The following MIPOL1 variants were observed in gnomAD, a reference collection of about 807,000 sequenced individuals.
MIPOL1 encodes mirror-image polydactyly 1, also known as mirror-image polydactyly gene 1 protein.
MIPOL1 carries 57 observed loss-of-function variants against 60.9 expected under a neutral mutation model. The observed-to-expected ratio is 0.94, with a 90% CI of 0.76 to 1.17. The LOEUF is 1.17. Ranked by LOEUF, MIPOL1 falls within the 50% of genes most tolerant of loss-of-function variation. The pLI is 0.00. For missense variants in MIPOL1, 551 were observed against 511.6 expected (o/e 1.08, Z -0.74); for synonymous variants, 179 against 168.8 (o/e 1.06, Z -0.47).
intron 10 of MIPOL1, among the ~76,000 whole-genome samples, chr14:37,415,861 T>A (rs113597877): frequency 5.3e-4 from 81 of 152,242 alleles, no homozygotes; most frequent in Non-Finnish European, 1.1e-3. Flanking sequence ...AATATGAATA[T>A]AGAATGCACT....
At chr14:37,376,785 A>G (rs773829986) in intron 10 of MIPOL1, among the ~76,000 whole-genome samples, 6 of 152,142 alleles carry the variant, frequency 3.9e-5, no homozygotes, top group Non-Finnish European at 8.8e-5. Context: ...TTTTCAGCTC[A>G]TTTGAGTATG....
At chr14:37,514,596 T>G (rs923007773) in intron 12 of MIPOL1, among the ~76,000 whole-genome samples, 1 of 152,078 alleles carries the variant, frequency 6.6e-6, no homozygotes, top group African/African-American at 2.4e-5. Context: ...ATATAATGTA[T>G]CTACTGGTTA....
intron 10 of MIPOL1, among the ~76,000 whole-genome samples, chr14:37,419,728 TG>T (rs2093837625): frequency 6.6e-6 from 1 of 151,598 alleles, no homozygotes. Context: ...ATACGTGGAA[TG>T]GGGTAGGGGA....
At chr14:37,519,609 C>G (rs1462418544) in intron 12 of MIPOL1, among the ~76,000 whole-genome samples, 2 of 151,874 alleles carry the variant, frequency 1.3e-5, no homozygotes, top group African/African-American at 4.8e-5. Context: ...GCCTCATTCA[C>G]CTCACTCTAG....
chr14:37,396,480 C>A (rs930138365), intron 10 of MIPOL1, among the ~76,000 whole-genome samples: 1 of 151,970 alleles, frequency 6.6e-6, no homozygotes, highest in Admixed American at 6.6e-5. Flanking sequence ...GATGAATTTC[C>A]CAGATGTTCC....
chr14:37,276,352 A>G (rs561354770), intron 6 of MIPOL1: 17 of 151,176 alleles, frequency 1.1e-4, no homozygotes, highest in African/African-American at 3.9e-4. Context: ...TTTAATTGTG[A>G]TTGTTCAAAG....
intron 11 of MIPOL1, chr14:37,434,693 A>C (rs894562736): frequency 6.6e-6 from 1 of 152,098 alleles, no homozygotes; most frequent in African/African-American, 2.4e-5. Flanking sequence ...GGTGTGAGCC[A>C]CCGTACTTAG....
At chr14:37,320,977 C>G (rs1361714647) in intron 9 of MIPOL1, among the ~76,000 whole-genome samples, 1 of 151,958 alleles carries the variant, frequency 6.6e-6, no homozygotes, top group Non-Finnish European at 1.5e-5. Flanking sequence ...CAATAATACT[C>G]CATGGTCTTA....
intron 12 of MIPOL1, among the ~76,000 whole-genome samples, chr14:37,526,838 A>T (rs2095450794): frequency 6.6e-6 from 1 of 152,140 alleles, no homozygotes; most frequent in African/African-American, 2.4e-5. Flanking sequence ...TAATTTTGAC[A>T]AAAATTGTCA....
chr14:37,382,569 G>A (rs1478235037), intron 10 of MIPOL1, among the ~76,000 whole-genome samples: 1 of 151,688 alleles, frequency 6.6e-6, no homozygotes, highest in African/African-American at 2.4e-5. Context: ...TTAGACATAC[G>A]GTTTTTACCA....
chr14:37,324,266 A>G (rs1289916344), intron 9 of MIPOL1, among the ~76,000 whole-genome samples: 1 of 152,030 alleles, frequency 6.6e-6, no homozygotes, highest in Non-Finnish European at 1.5e-5. Flanking sequence ...TTTAGTAGGC[A>G]TGTATTGGTA....
chr14:37,234,564 G>A (rs1350561187), intron 1 of MIPOL1, among the ~76,000 whole-genome samples: 1 of 151,778 alleles, frequency 6.6e-6, no homozygotes, highest in Non-Finnish European at 1.5e-5. Context: ...TTAACTCCTG[G>A]CCTCAAGTAA....
rs138707837 is a variant in MIPOL1 at position 37,269,012 on chromosome 14, A to T, written c.387+219A>T. 9.2e-5 allele frequency among the ~76,000 whole-genome samples: 14 copies of T among 152,226 alleles called. No individual in the cohort carries two copies. In the East Asian group the frequency reaches 2.7e-3, roughly 29 times the overall value. On this transcript the variant is annotated intron_variant, in intron 5 of 12. Coordinates refer to ENST00000684589, the MANE Select transcript of MIPOL1 (RefSeq NM_001388067.1). ...TCATACCTTGCTGGTCCACATTAGC[A>T]CTTCCTTTTTCATAAGCCCCTGGTT...
intron 11 of MIPOL1, among the ~76,000 whole-genome samples, chr14:37,445,196 TCTC>T (rs1439120387): frequency 7.9e-5 from 12 of 151,856 alleles, no homozygotes; most frequent in Admixed American, 6.6e-4. Context: ...CAGCCCAAAA[TCTC>T]CTTAAGCTGA....
intron 11 of MIPOL1, among the ~76,000 whole-genome samples, chr14:37,445,676 T>A (rs2094322557): frequency 6.6e-6 from 1 of 151,872 alleles, no homozygotes; most frequent in Non-Finnish European, 1.5e-5. Flanking sequence ...CAAACTATAC[T>A]ACAAGGCTAC....
intron 11 of MIPOL1, among the ~76,000 whole-genome samples, chr14:37,467,199 T>G (rs2153586125): frequency 6.6e-6 from 1 of 152,330 alleles, no homozygotes; most frequent in Admixed American, 6.5e-5. Flanking sequence ...AACCTGTAGA[T>G]AAAGCAATCT....
At chr14:37,474,551 G>T (rs1454526963) in intron 11 of MIPOL1, among the ~76,000 whole-genome samples, 1 of 152,150 alleles carries the variant, frequency 6.6e-6, no homozygotes, top group East Asian at 1.9e-4. Context: ...TTCACCTTCA[G>T]CCATGATTAT....
intron 7 of MIPOL1, among the ~76,000 whole-genome samples, chr14:37,298,375 C>G (rs896608610): frequency 2.0e-5 from 3 of 152,148 alleles, no homozygotes; most frequent in Admixed American, 6.6e-5. Flanking sequence ...CAATACCATT[C>G]AGGACATTGG....
At chr14:37,291,489 T>G (rs1403620109) in intron 7 of MIPOL1, among the ~76,000 whole-genome samples, 2 of 152,244 alleles carry the variant, frequency 1.3e-5, no homozygotes, top group Non-Finnish European at 2.9e-5. Flanking sequence ...TTAAGTTTTA[T>G]ATTTCTCTTT....
Sources: gnomAD v4.1 joint callset for allele counts (sites outside exome capture counted in the v4.1 genomes callset) on GRCh38, gnomAD v4.1.1 for gene constraint, MANE v1.5 for transcripts, NCBI Gene and HGNC (gene_info 2026-07-23, HGNC 2026-07-21) for gene names.